The following RALYL variants were observed in gnomAD, a reference collection of about 807,000 sequenced individuals.
RALYL encodes the protein RALY RNA binding protein like.
A neutral mutation model predicts 35.1 loss-of-function variants in RALYL; 29 were observed. The observed-to-expected ratio is 0.83, with a 90% CI of 0.61 to 1.13. RALYL has a LOEUF of 1.13. Ranked by LOEUF, RALYL falls within the 50% of genes most tolerant of loss-of-function variation. The pLI is 0.00. For synonymous variants in RALYL, 120 were observed against 127.6 expected (o/e 0.94, Z 0.40); for missense variants, 359 against 360.4 (o/e 1.00, Z 0.03).
At chr8:84,408,068 T>C (rs144007069) in intron 1 of RALYL, among the ~76,000 whole-genome samples, 2,529 of 152,164 alleles carry the variant, frequency 0.017, 69 homozygotes, top group African/African-American at 0.057. Context: ...AAACCTTATT[T>C]TACTTAAAAA....
chr8:84,701,410 T>C (rs1322300230), intron 2 of RALYL, among the ~76,000 whole-genome samples: 1 of 152,164 alleles, frequency 6.6e-6, no homozygotes. Context: ...TATTTAATTA[T>C]TCTAGCAATT....
intron 1 of RALYL, among the ~76,000 whole-genome samples, chr8:84,302,404 G>A (rs1373686019): frequency 1.3e-5 from 2 of 152,116 alleles, no homozygotes; most frequent in African/African-American, 4.8e-5. Context: ...TCCTGCTCAC[G>A]TCCCTCTTTT....
At chr8:84,595,442 G>T (rs1044608584) in intron 2 of RALYL, among the ~76,000 whole-genome samples, 4 of 152,100 alleles carry the variant, frequency 2.6e-5, no homozygotes, top group African/African-American at 9.6e-5. Context: ...TGTACAATGA[G>T]TCTACTTGTT....
chr8:84,423,861 A>T (rs973569284), intron 1 of RALYL, among the ~76,000 whole-genome samples: 1 of 151,446 alleles, frequency 6.6e-6, no homozygotes, highest in Non-Finnish European at 1.5e-5. Flanking sequence ...TTTCTTTAAG[A>T]ATGTTGAATA....
chr8:84,675,561 A>G (rs1834030920), intron 2 of RALYL, among the ~76,000 whole-genome samples: 1 of 152,186 alleles, frequency 6.6e-6, no homozygotes, highest in African/African-American at 2.4e-5. Context: ...TTGATTTTTG[A>G]CTTAGGTAAC....
chr8:84,193,698 T>C (rs1362544809), intron 1 of RALYL, among the ~76,000 whole-genome samples: 5 of 152,176 alleles, frequency 3.3e-5, no homozygotes, highest in African/African-American at 1.2e-4. Flanking sequence ...AGAAAGATTC[T>C]AGAGCTGTAA....
Position 84,746,457 on chromosome 8 carries a change from A to G in RALYL, c.257-28122A>G, listed in dbSNP as rs556532723. Among the ~76,000 whole-genome samples, 3 of 152,086 alleles carry G rather than the reference A, an allele frequency of 2.0e-5. No homozygotes were observed. In the East Asian group the frequency reaches 5.8e-4, roughly 29 times the overall value. On this transcript the variant is annotated intron_variant, in intron 2 of 8. Coordinates refer to ENST00000521268, the MANE Select transcript of RALYL (RefSeq NM_173848.7). The stretch of plus-strand genomic sequence containing the variant: ...TGTAATTTTCTACCCTAGAAAGAGC[A>G]TAGCCATTTCTTCATCACATCAAAC...
intron 1 of RALYL, among the ~76,000 whole-genome samples, chr8:84,504,839 T>C (rs372839710): frequency 6.6e-6 from 1 of 152,096 alleles, no homozygotes; most frequent in South Asian, 2.1e-4. Context: ...AACAAATCAG[T>C]GCAGAGGAGT....
chr8:84,265,173 T>C (rs1304975402), intron 1 of RALYL, among the ~76,000 whole-genome samples: 1 of 152,216 alleles, frequency 6.6e-6, no homozygotes, highest in African/African-American at 2.4e-5. Flanking sequence ...AAGTTGTCTG[T>C]ACCCTAATCC....
At chr8:84,484,725 TAAAC>T (rs998102363) in intron 1 of RALYL, among the ~76,000 whole-genome samples, 15 of 152,272 alleles carry the variant, frequency 9.9e-5, no homozygotes, top group Admixed American at 2.0e-4. Context: ...TCATTAAAAA[TAAAC>T]AACCTCACAA....
intron 3 of RALYL, 103 bp from the exon 4 acceptor site, chr8:84,804,667 T>C (rs1211435853): frequency 4.1e-6 from 2 of 490,050 alleles, no homozygotes; most frequent in East Asian, 5.5e-5. Context: ...TTATGCATTT[T>C]CATCCAAACA....
At chr8:84,888,144 A>G (rs1464304958) in intron 8 of RALYL, among the ~76,000 whole-genome samples, 1 of 152,242 alleles carries the variant, frequency 6.6e-6, no homozygotes, top group African/African-American at 2.4e-5. Context: ...ATACTGGAAG[A>G]TACCTGGTTT....
chr8:84,468,327 A>G (rs1314476319), intron 1 of RALYL, among the ~76,000 whole-genome samples: 2 of 151,962 alleles, frequency 1.3e-5, no homozygotes, highest in East Asian at 1.9e-4. Context: ...GAGCTCTTGT[A>G]AGGCAGGCCT....
chr8:84,536,688 C>A (rs2059632567), intron 2 of RALYL, among the ~76,000 whole-genome samples: 1 of 152,082 alleles, frequency 6.6e-6, no homozygotes, highest in Non-Finnish European at 1.5e-5. Context: ...CAGCAATGCA[C>A]CATTATGTAA....
chr8:84,695,539 T>C (rs1838949529), intron 2 of RALYL, among the ~76,000 whole-genome samples: 1 of 151,878 alleles, frequency 6.6e-6, no homozygotes, highest in South Asian at 2.1e-4. Flanking sequence ...ATGTTATTTT[T>C]GAAAACCTTA....
chr8:84,617,804 C>T (rs373705502), intron 2 of RALYL, among the ~76,000 whole-genome samples: 31 of 151,360 alleles, frequency 2.0e-4, no homozygotes, highest in Non-Finnish European at 3.7e-4. Context: ...TAGCATGAAG[C>T]GTTGTTGAAT....
rs571818310 is a variant in RALYL at position 84,561,491 on chromosome 8, G to A, written c.256+31914G>A. Among the ~76,000 whole-genome samples the A allele has an allele frequency of 8.6e-5, 13 of 151,270 alleles. No individual in the cohort carries two copies. In the South Asian group the frequency reaches 1.9e-3, roughly 22 times the overall value. The stretch of plus-strand genomic sequence containing the variant: ...CTGAAATCACAGACAGTCCTGAGCC[G>A]TATGCATACTATGTTTTTTCCTATA... On this transcript the variant is annotated intron_variant, in intron 2 of 8. Transcript: ENST00000521268.
At chr8:84,853,089 T>G (rs1480767844) in intron 5 of RALYL, among the ~76,000 whole-genome samples, 3 of 152,236 alleles carry the variant, frequency 2.0e-5, no homozygotes, top group Admixed American at 6.5e-5. Context: ...GTCTGTTTAG[T>G]AAACATTATT....
At chr8:84,866,272 G>C (rs1839154645) in intron 6 of RALYL, among the ~76,000 whole-genome samples, 1 of 152,130 alleles carries the variant, frequency 6.6e-6, no homozygotes, top group Non-Finnish European at 1.5e-5. Flanking sequence ...GCCTGGAGTG[G>C]AGTCTGTTCC....
Sources: gnomAD v4.1 joint callset for allele counts (sites outside exome capture counted in the v4.1 genomes callset) on GRCh38, gnomAD v4.1.1 for gene constraint, MANE v1.5 for transcripts, NCBI Gene and HGNC (gene_info 2026-07-23, HGNC 2026-07-21) for gene names.